BEND7: variants seen among roughly 807,000 people sequenced by gnomAD.
BEND7 encodes BEN domain-containing protein 7.
A neutral mutation model predicts 50.9 loss-of-function variants in BEND7; 28 were observed. That is an observed-to-expected ratio of 0.55 (90% confidence interval 0.41 to 0.75). The LOEUF (loss-of-function observed/expected upper bound fraction) is 0.75. Ranked by LOEUF, BEND7 falls within the 30% of genes least tolerant of loss-of-function variation. BEND7 has a pLI of 0.00. For missense variants in BEND7, 477 were observed against 491.3 expected (o/e 0.97, Z 0.28); for synonymous variants, 170 against 183.9 (o/e 0.92, Z 0.61).
At chr10:13,505,296 C>T (rs1417609739) in intron 2 of BEND7, among the ~76,000 whole-genome samples, 1 of 152,234 alleles carries the variant, frequency 6.6e-6, no homozygotes. Flanking sequence ...CTGGCCCTTG[C>T]ACCCCACGTG....
intron 2 of BEND7, among the ~76,000 whole-genome samples, chr10:13,506,806 C>A (rs1456256881): frequency 6.6e-6 from 1 of 151,976 alleles, no homozygotes; most frequent in Non-Finnish European, 1.5e-5. Context: ...ATCAAATGGG[C>A]TTGGGATTAG....
intron 5 of BEND7, among the ~76,000 whole-genome samples, chr10:13,491,865 C>G (rs2076688930): frequency 6.6e-6 from 1 of 152,088 alleles, no homozygotes; most frequent in African/African-American, 2.4e-5. Flanking sequence ...AACAGATCCC[C>G]CATTCTTGTT....
chr10:13,441,119 G>C lies in BEND7; in HGVS notation c.*624C>G. ...TAAAGTAATTTATTGTATTCTTCCA[G>C]ATCAGACATAAAGAGCATCTTGGGA... On this transcript the variant is annotated 3_prime_UTR_variant, in exon 9 of 9. Coordinates refer to ENST00000466271, the MANE Select transcript of BEND7 (RefSeq NM_001369863.1). 2.0e-6 allele frequency: 2 copies of C among 985,278 alleles called. No homozygotes were observed. The highest frequency in any genetic ancestry group is 2.4e-6 in the Non-Finnish European group (2 of 829,864). 61.0% of individuals were successfully genotyped at this position (985,278 alleles called of 1,614,324 possible). A position where few individuals can be genotyped will look rare whatever the true frequency, so the allele number is the denominator to read the frequency against.
chr10:13,452,099 C>T (rs551867159), intron 7 of BEND7, among the ~76,000 whole-genome samples: 1 of 152,192 alleles, frequency 6.6e-6, no homozygotes, highest in Admixed American at 6.5e-5. Flanking sequence ...ACCCATCCCC[C>T]ACTTAAAATC....
rs1192744428 is a variant in BEND7 at position 13,443,179 on chromosome 10, G to A, written c.1235-1429C>T. 2.0e-5 allele frequency: 3 copies of A among 152,506 alleles called. No individual in the cohort carries two copies. In the East Asian group the frequency reaches 5.8e-4, roughly 29 times the overall value. 9.4% of individuals were successfully genotyped at this position (152,506 alleles called of 1,614,324 possible). A position where few individuals can be genotyped will look rare whatever the true frequency, so the allele number is the denominator to read the frequency against. On this transcript the variant is annotated intron_variant, in intron 8 of 8. Transcript: ENST00000466271. Reference sequence around the variant, plus strand: ...AATCTTATACCAGATTGGAGGCTTGGTTATCACACATTACAAAGAAAGTAT... The same window carrying A: ...AATCTTATACCAGATTGGAGGCTTGATTATCACACATTACAAAGAAAGTAT...
chr10:13,488,086 CAAA>C (rs753018197), intron 5 of BEND7, among the ~76,000 whole-genome samples: 15,707 of 68,324 alleles, frequency 0.23, 926 homozygotes, highest in African/African-American at 0.33. Context: ...GTCTCAATTA[CAAA>C]AAAAAAAAAA....
At chr10:13,527,581 T>C (rs1207772202) in intron 1 of BEND7, among the ~76,000 whole-genome samples, 1 of 152,180 alleles carries the variant, frequency 6.6e-6, no homozygotes, top group Non-Finnish European at 1.5e-5. Flanking sequence ...TCAACTTGAT[T>C]AAAAGACGAC....
rs2077729013 is a variant in BEND7, at chr10:13,504,536, T to C, written c.146-4456A>G. Among the ~76,000 whole-genome samples the C allele has an allele frequency of 1.3e-5, 2 of 152,192 alleles. 1 individual carries two copies. Among genetic ancestry groups the C allele is most frequent in the South Asian group, 4.2e-4 (2 of 4,816 alleles). ...AAATTGGTGAAAAGTATACAGGAGA[T>C]TGAGATTGGAAGCATTCACTGACTT... On this transcript the variant is annotated intron_variant, in intron 2 of 8. Coordinates refer to ENST00000466271, the MANE Select transcript of BEND7 (RefSeq NM_001369863.1).
At chr10:13,514,810 T>C (rs117789368) in intron 2 of BEND7, among the ~76,000 whole-genome samples, 3 of 152,376 alleles carry the variant, frequency 2.0e-5, no homozygotes, top group Non-Finnish European at 4.4e-5. Flanking sequence ...AATGAGTTAA[T>C]GCAACAGAGG....
chr10:13,439,204 G>A (rs768612275), downstream of BEND7: 17 of 1,614,060 alleles, frequency 1.1e-5, no homozygotes, highest in Non-Finnish European at 1.4e-5. Context: ...TGAAGGGTAA[G>A]AGACTTGGCT....
At chr10:13,487,422 T>C (rs559787602) in intron 5 of BEND7, among the ~76,000 whole-genome samples, 1 of 149,630 alleles carries the variant, frequency 6.7e-6, no homozygotes, top group Non-Finnish European at 1.5e-5. Context: ...AGTCTTGCTC[T>C]GTTGCCCAGG....
intron 5 of BEND7, among the ~76,000 whole-genome samples, chr10:13,487,296 T>C (rs2076287583): frequency 6.6e-6 from 1 of 152,062 alleles, no homozygotes; most frequent in African/African-American, 2.4e-5. Context: ...ATCCAGCTAA[T>C]ACACGATGAA....
chr10:13,453,841 A>T (rs1838328433), intron 6 of BEND7, among the ~76,000 whole-genome samples: 1 of 152,252 alleles, frequency 6.6e-6, no homozygotes, highest in South Asian at 2.1e-4. Flanking sequence ...CCTTTTGAGA[A>T]ATAAGAGTAA....
At chr10:13,515,244 C>G (rs2078581271) in intron 2 of BEND7, among the ~76,000 whole-genome samples, 1 of 152,176 alleles carries the variant, frequency 6.6e-6, no homozygotes. Flanking sequence ...CAAACAAATG[C>G]TCGCAGAATA....
At chr10:13,475,817 G>A (rs73588738) in intron 6 of BEND7, among the ~76,000 whole-genome samples, 6,282 of 152,264 alleles carry the variant, frequency 0.041, 386 homozygotes, top group African/African-American at 0.13. Context: ...TGGCTTTGGA[G>A]TCAGACAGGC....
At chr10:13,447,960 C>T (rs189505450) in intron 7 of BEND7, among the ~76,000 whole-genome samples, 24 of 152,148 alleles carry the variant, frequency 1.6e-4, no homozygotes, top group African/African-American at 5.3e-4. Context: ...CACTTGGCAT[C>T]GCCGGAACCA....
intron 2 of BEND7, among the ~76,000 whole-genome samples, chr10:13,523,785 G>C (rs998400758): frequency 2.0e-5 from 3 of 152,132 alleles, no homozygotes; most frequent in Non-Finnish European, 2.9e-5. Context: ...ATTCTCAATT[G>C]CTCCAGAAAT....
downstream of BEND7, chr10:13,438,965 C>T (rs1368652861): frequency 1.8e-6 from 1 of 554,292 alleles, no homozygotes; most frequent in East Asian, 3.2e-5. Flanking sequence ...GAGGCCAGGA[C>T]TCACTGTCGT....
Position 13,469,104 on chromosome 10 carries a change from G to T in BEND7, c.1063+11795C>A, listed in dbSNP as rs187383800. The stretch of plus-strand genomic sequence containing the variant: ...ATGGTATCTGCAGTGATCAAGAGGT[G>T]TTGAGAGGAAGGTGCTTAAAATAAC... On this transcript the variant is annotated intron_variant, in intron 6 of 8. Transcript: ENST00000466271. 9.8e-5 allele frequency among the ~76,000 whole-genome samples: 15 copies of T among 152,348 alleles called. 1 individual carries two copies. The East Asian group carries it at 2.9e-3, about 29-fold the overall frequency.
Sources: allele counts gnomAD v4.1 joint callset (sites outside exome capture counted in the v4.1 genomes callset), GRCh38; gene constraint gnomAD v4.1.1; transcripts MANE v1.5; gene names NCBI Gene and HGNC (gene_info 2026-07-23, HGNC 2026-07-21).